The following PAX5 variants were observed in gnomAD, a reference collection of about 807,000 sequenced individuals.
The protein encoded by PAX5 is paired box 5.
A neutral mutation model predicts 43.7 loss-of-function variants in PAX5; 9 were observed. The observed-to-expected ratio is 0.21, with a 90% CI of 0.12 to 0.36. PAX5 has a LOEUF of 0.36. Among genes scored for constraint, PAX5 ranks in the 10% least tolerant of loss-of-function variants. The probability of loss-of-function intolerance (pLI) is 1.00; values close to 1 mark genes in which losing one functional copy is unlikely to be tolerated. For synonymous variants in PAX5, 228 were observed against 214.3 expected (o/e 1.06, Z -0.56); for missense variants, 383 against 532.7 (o/e 0.72, Z 2.77).
At chr9:37,019,029 T>C (rs899558193) in intron 2 of PAX5, among the ~76,000 whole-genome samples, 12 of 151,916 alleles carry the variant, frequency 7.9e-5, no homozygotes, top group Non-Finnish European at 1.3e-4. Context: ...TCTTTCTCTC[T>C]CCCTCTCTCT....
chr9:36,936,371 C>T (rs1295098960), intron 6 of PAX5, among the ~76,000 whole-genome samples: 2 of 152,208 alleles, frequency 1.3e-5, no homozygotes, highest in African/African-American at 4.8e-5. Context: ...CTAATGTGGA[C>T]AAAGGGAGGG....
chr9:37,018,213 G>A (rs951099822), intron 2 of PAX5, among the ~76,000 whole-genome samples: 10 of 152,168 alleles, frequency 6.6e-5, no homozygotes, highest in East Asian at 1.9e-4. Context: ...GAGCACGTGC[G>A]GAGGATTAAA....
chr9:36,840,234 G>T lies in PAX5; in HGVS notation c.*326C>A. ...CTTCCCAGGCTGGGGTGGTTATGAT[G>T]GATGGATAGTCAGACAGCTGGAGGA... On this transcript the variant is annotated 3_prime_UTR_variant, in exon 10 of 10. Coordinates refer to ENST00000358127, the MANE Select transcript of PAX5 (RefSeq NM_016734.3). 1 of 506,220 alleles carries T rather than the reference G, an allele frequency of 2.0e-6. No individual in the cohort carries two copies. The highest frequency in any genetic ancestry group is 2.3e-5 in the South Asian group (1 of 43,014). The allele number at this position is 506,220 out of a possible 1,614,324, so 31.4% of individuals were successfully genotyped here. A position where few individuals can be genotyped will look rare whatever the true frequency, so the allele number is the denominator to read the frequency against.
rs769203423 is a variant in PAX5 at position 37,026,395 on chromosome 9, A to G, written c.47-5594T>C. 564 of 694,590 alleles carry G rather than the reference A, an allele frequency of 8.1e-4. 3 individuals are homozygous for G. Among genetic ancestry groups the G allele is most frequent in the Non-Finnish European group, 1.0e-3 (483 of 484,768 alleles). 43.0% of individuals were successfully genotyped at this position (694,590 alleles called of 1,614,324 possible). A position where few individuals can be genotyped will look rare whatever the true frequency, so the allele number is the denominator to read the frequency against. On this transcript the variant is annotated intron_variant, in intron 1 of 9. Coordinates refer to ENST00000358127, the MANE Select transcript of PAX5 (RefSeq NM_016734.3). Reference sequence around the variant, plus strand: ...CGTTGTTTCAGGTCCCCTGCCTGGGATCCCTGCACTTTGCAAAGTTAGCTG... The same window carrying G: ...CGTTGTTTCAGGTCCCCTGCCTGGGGTCCCTGCACTTTGCAAAGTTAGCTG...
At chr9:36,900,401 A>G (rs1471761300) in intron 7 of PAX5, among the ~76,000 whole-genome samples, 7 of 152,238 alleles carry the variant, frequency 4.6e-5, no homozygotes, top group Admixed American at 1.3e-4. Flanking sequence ...TTCACAGAGT[A>G]GTCCTGCAGC....
chr9:36,881,221 A>G (rs1037125537), intron 8 of PAX5, among the ~76,000 whole-genome samples: 1 of 152,212 alleles, frequency 6.6e-6, no homozygotes, highest in Non-Finnish European at 1.5e-5. Context: ...TAAATTAAAT[A>G]AATAAAAACT....
At chr9:36,937,351 G>A (rs3780153) in intron 6 of PAX5, among the ~76,000 whole-genome samples, 109,968 of 152,026 alleles carry the variant, frequency 0.72, 40,438 homozygotes, top group East Asian at 0.8. Flanking sequence ...TGCGACTCCA[G>A]AGTCCAAGCT....
At chr9:36,987,463 C>A (rs988037960) in intron 5 of PAX5, among the ~76,000 whole-genome samples, 1 of 152,248 alleles carries the variant, frequency 6.6e-6, no homozygotes, top group African/African-American at 2.4e-5. Flanking sequence ...TGCACTTCTT[C>A]TCGCCGAATT....
intron 5 of PAX5, among the ~76,000 whole-genome samples, chr9:36,985,181 G>A (rs1024503719): frequency 2.6e-5 from 4 of 152,204 alleles, no homozygotes; most frequent in African/African-American, 7.2e-5. Context: ...GATTGTCACC[G>A]GGTGGCACCA....
rs141574393 is a variant in PAX5, at chr9:36,882,061, C to T, written c.955G>A (p.Val319Ile). The T allele has an allele frequency of 1.2e-5, 20 of 1,610,134 alleles. No homozygotes were observed. Among genetic ancestry groups the T allele is most frequent in the Middle Eastern group, 1.6e-4 (1 of 6,066 alleles). Reference sequence around the variant, plus strand: ...TAGCTGCCCTGTCCAGCGGGGGGGACGTGTGGAGGGTACCCGGGGAGGGTC... The same window carrying T: ...TAGCTGCCCTGTCCAGCGGGGGGGATGTGTGGAGGGTACCCGGGGAGGGTC... ...STTLPGYPPH[V>I]PPAGQGSYSA... The change falls in exon 8 of 10, where the codon GTC becomes ATC. Residue 319 changes from valine to isoleucine, a missense_variant. Around this residue, in one of 5 missense-constraint regions of PAX5, gnomAD observed 291 missense variants for 342.5 expected, o/e 0.85. Coordinates refer to ENST00000358127, the MANE Select transcript of PAX5 (RefSeq NM_016734.3). The surrounding 1 kb of genome is among the most constrained non-coding windows in gnomAD (Gnocchi z 4.4).
intron 6 of PAX5, among the ~76,000 whole-genome samples, chr9:36,927,675 C>A (rs1329242939): frequency 1.3e-5 from 2 of 151,832 alleles, no homozygotes; most frequent in South Asian, 2.1e-4. Context: ...GAGTCCTTAG[C>A]TGCACTTCAC....
rs544839970 is a variant in PAX5, at chr9:36,836,612, C to T, written c.*3948G>A. The T allele has an allele frequency of 2.1e-5, 5 of 232,870 alleles. No homozygotes were observed. Among genetic ancestry groups the T allele is most frequent in the Admixed American group, 1.7e-4 (3 of 17,798 alleles). 14.4% of individuals were successfully genotyped at this position (232,870 alleles called of 1,614,324 possible). A position where few individuals can be genotyped will look rare whatever the true frequency, so the allele number is the denominator to read the frequency against. ...GCACCGTACTGTCTGGTGCGCTGCC[C>T]GAGTGGCAAGGCTACACCACCCCGT... On this transcript the variant is annotated 3_prime_UTR_variant, in exon 10 of 10. Transcript: ENST00000358127.
chr9:36,988,022 A>G (rs1437390008), intron 5 of PAX5, among the ~76,000 whole-genome samples: 2 of 152,212 alleles, frequency 1.3e-5, no homozygotes, highest in African/African-American at 4.8e-5. Flanking sequence ...GAAGAGCGAG[A>G]AGATGAAGAA....
At chr9:36,931,258 C>G (rs1031150619) in intron 6 of PAX5, among the ~76,000 whole-genome samples, 8 of 152,246 alleles carry the variant, frequency 5.3e-5, no homozygotes, top group Non-Finnish European at 1.0e-4. Context: ...GCTCCAGCGA[C>G]TGAGGCTGAG....
intron 4 of PAX5, among the ~76,000 whole-genome samples, chr9:37,003,887 G>A (rs1011460996): frequency 6.6e-6 from 1 of 152,248 alleles, no homozygotes; most frequent in African/African-American, 2.4e-5. Context: ...TGAACCCAGA[G>A]ACTAAAGCCT....
Position 36,834,417 on chromosome 9 carries a change from A to AGTGTGTGAGT in PAX5, c.*6142_*6143insACTCACACAC, listed in dbSNP as rs1821495832. 4.5e-6 allele frequency: 1 copy of AGTGTGTGAGT among 220,274 alleles called. No individual in the cohort carries two copies. The highest frequency in any genetic ancestry group is 8.9e-6 in the Non-Finnish European group (1 of 112,458). 13.6% of individuals were successfully genotyped at this position (220,274 alleles called of 1,614,324 possible). On this transcript the variant is annotated 3_prime_UTR_variant, in exon 10 of 10. Transcript: ENST00000358127. ...TGTCTGAGGTGTAGGGGAGTGAGTG[A>AGTGTGTGAGT]GTGTGTGTGTGTGTGTGTGTGTGTG...
In PAX5 at chr9:37,015,636, A is replaced by G. The variant is rs1564079418; in HGVS notation, c.213-442T>C. Among the ~76,000 whole-genome samples the G allele has an allele frequency of 6.6e-6, 1 of 151,660 alleles. No homozygotes were observed. Among genetic ancestry groups the G allele is most frequent in the Admixed American group, 6.6e-5 (1 of 15,240 alleles). On this transcript the variant is annotated intron_variant, in intron 2 of 9. Transcript: ENST00000358127. This position sits in a 1 kb window ranked among gnomAD's most constrained non-coding sequence, Gnocchi z 4.4. Reference sequence around the variant, plus strand: ...CTCTTGTTGCCCAGGCTGGAATGCAATGGCGTGATCTTGGCTCACTGCAAC... The same window carrying G: ...CTCTTGTTGCCCAGGCTGGAATGCAGTGGCGTGATCTTGGCTCACTGCAAC...
At chr9:36,857,122 G>C (rs1238859941) in intron 8 of PAX5, among the ~76,000 whole-genome samples, 2 of 152,160 alleles carry the variant, frequency 1.3e-5, no homozygotes, top group Non-Finnish European at 2.9e-5. Flanking sequence ...GGTTTGTTCA[G>C]GCAGTCATAC....
chr9:36,855,558 G>C (rs889084741), intron 8 of PAX5, among the ~76,000 whole-genome samples: 1 of 152,204 alleles, frequency 6.6e-6, no homozygotes, highest in Non-Finnish European at 1.5e-5. Flanking sequence ...GTGTGCATGC[G>C]TGAGGTGGGG....
Sources: gnomAD v4.1 joint callset for allele counts (sites outside exome capture counted in the v4.1 genomes callset) on GRCh38, gnomAD v4.1.1 for gene constraint, gnomAD v4.1.1 regional missense constraint, Gnocchi (gnomAD v3.1) non-coding constraint, MANE v1.5 for transcripts, NCBI Gene and HGNC (gene_info 2026-07-23, HGNC 2026-07-21) for gene names.